Variants in IMMP2L observed in about 807,000 individuals in gnomAD.
The protein encoded by IMMP2L is mitochondrial inner membrane protease subunit 2.
IMMP2L carries 18 observed loss-of-function variants against 19.3 expected under a neutral mutation model. That is an observed-to-expected ratio of 0.93 (90% CI 0.64 to 1.38). The LOEUF (loss-of-function observed/expected upper bound fraction) is 1.38, where lower values mean the gene tolerates loss of function less well. Among genes scored for constraint, IMMP2L ranks in the 40% most tolerant of loss-of-function variants. The probability of loss-of-function intolerance (pLI) is 0.00; values close to 1 mark genes in which losing one functional copy is unlikely to be tolerated. For synonymous variants in IMMP2L, 76 were observed against 73.0 expected (o/e 1.04, Z -0.21); for missense variants, 233 against 218.2 (o/e 1.07, Z -0.43).
At chr7:111,297,654 A>G (rs1354012708) in intron 3 of IMMP2L, among the ~76,000 whole-genome samples, 1 of 152,184 alleles carries the variant, frequency 6.6e-6, no homozygotes, top group Non-Finnish European at 1.5e-5. Context: ...AACTAGAAAC[A>G]ACGAAAATAT....
intron 5 of IMMP2L, among the ~76,000 whole-genome samples, chr7:110,787,712 T>A (rs915728683): frequency 6.6e-6 from 1 of 151,854 alleles, no homozygotes; most frequent in Admixed American, 6.6e-5. Flanking sequence ...ACCTAAAACA[T>A]TTTTCTGAAT....
intron 4 of IMMP2L, among the ~76,000 whole-genome samples, chr7:110,949,092 CAT>C (rs1817536731): frequency 6.6e-6 from 1 of 152,154 alleles, no homozygotes; most frequent in South Asian, 2.1e-4. Flanking sequence ...TAGACTGAGC[CAT>C]GCTATGGGCA....
chr7:111,225,466 G>T (rs1039758912), intron 3 of IMMP2L, among the ~76,000 whole-genome samples: 1 of 151,988 alleles, frequency 6.6e-6, no homozygotes, highest in Non-Finnish European at 1.5e-5. Flanking sequence ...ATGGGTAAAA[G>T]ATTTATTCAA....
At chr7:110,874,137 A>T (rs530513253) in intron 5 of IMMP2L, among the ~76,000 whole-genome samples, 1 of 152,270 alleles carries the variant, frequency 6.6e-6, no homozygotes, top group Non-Finnish European at 1.5e-5. Flanking sequence ...GATTGGAGTA[A>T]TATAAAAGCA....
At chr7:111,028,870 CTG>C (rs983529184) in intron 3 of IMMP2L, among the ~76,000 whole-genome samples, 50 of 152,234 alleles carry the variant, frequency 3.3e-4, no homozygotes, top group African/African-American at 1.1e-3. Context: ...ATGAGCAAGA[CTG>C]TGAAAACTAA....
chr7:111,069,514 A>C (rs1163267712), intron 3 of IMMP2L, among the ~76,000 whole-genome samples: 1 of 152,174 alleles, frequency 6.6e-6, no homozygotes, highest in Non-Finnish European at 1.5e-5. Flanking sequence ...TCTAGGTAAA[A>C]AATATTTTAA....
intron 3 of IMMP2L, among the ~76,000 whole-genome samples, chr7:111,112,617 C>T (rs917927760): frequency 2.0e-5 from 3 of 152,146 alleles, no homozygotes; most frequent in African/African-American, 7.2e-5. Context: ...TTTGTATCCT[C>T]TGGACACAAA....
At chr7:111,494,844 A>C (rs914640212) in intron 2 of IMMP2L, among the ~76,000 whole-genome samples, 1 of 152,176 alleles carries the variant, frequency 6.6e-6, no homozygotes, top group African/African-American at 2.4e-5. Flanking sequence ...ACAAGATTTA[A>C]GAAAAATTAA....
At chr7:110,793,185 C>T (rs942551255) in intron 5 of IMMP2L, among the ~76,000 whole-genome samples, 5 of 151,972 alleles carry the variant, frequency 3.3e-5, no homozygotes, top group Non-Finnish European at 5.9e-5. Flanking sequence ...TTTGGGAGGC[C>T]GAAGTGGGTG....
intron 5 of IMMP2L, among the ~76,000 whole-genome samples, chr7:110,882,807 G>GA (rs1221086076): frequency 6.6e-6 from 1 of 150,902 alleles, no homozygotes; most frequent in East Asian, 1.9e-4. Context: ...TTATATAGGG[G>GA]AAAAAATCAA....
intron 3 of IMMP2L, among the ~76,000 whole-genome samples, chr7:111,084,530 T>G (rs1363334647): frequency 6.6e-6 from 1 of 152,008 alleles, no homozygotes; most frequent in South Asian, 2.1e-4. Flanking sequence ...AGCACTGATA[T>G]AGGTTTGAAA....
chr7:111,489,813 T>A (rs948341090), intron 2 of IMMP2L, among the ~76,000 whole-genome samples: 5 of 152,126 alleles, frequency 3.3e-5, no homozygotes, highest in Non-Finnish European at 5.9e-5. Flanking sequence ...TCATTTCACT[T>A]AACTACCTGA....
At chr7:110,993,627 T>C (rs2129559988) in intron 3 of IMMP2L, among the ~76,000 whole-genome samples, 1 of 151,994 alleles carries the variant, frequency 6.6e-6, no homozygotes, top group Admixed American at 6.6e-5. Context: ...ACCTCTATTA[T>C]TTAAAGTTCT....
At chr7:110,846,214 A>C (rs1805644365) in intron 5 of IMMP2L, among the ~76,000 whole-genome samples, 1 of 152,202 alleles carries the variant, frequency 6.6e-6, no homozygotes, top group East Asian at 1.9e-4. Context: ...AACCCCCAAG[A>C]AAACCGAGAA....
At position 110,947,532 on chromosome 7, in the gene IMMP2L, T is replaced by G. The variant is rs117805854; in HGVS notation, c.305+15968A>C. 6.1e-3 allele frequency among the ~76,000 whole-genome samples: 934 copies of G among 152,270 alleles called. 4 individuals are homozygous for G. Among genetic ancestry groups the G allele is most frequent in the Non-Finnish European group, 0.01 (701 of 68,004 alleles). ...TTCCCATACATAAACCAAATTCTAATCTGTTCATTGGTCTCCTCAAAAGCA... is the reference window on the plus strand; with the variant it reads ...TTCCCATACATAAACCAAATTCTAAGCTGTTCATTGGTCTCCTCAAAAGCA... On this transcript the variant is annotated intron_variant, in intron 4 of 5. Coordinates refer to ENST00000405709, the MANE Select transcript of IMMP2L (RefSeq NM_032549.4).
At chr7:111,258,031 A>C (rs1816917178) in intron 3 of IMMP2L, among the ~76,000 whole-genome samples, 1 of 151,904 alleles carries the variant, frequency 6.6e-6, no homozygotes, top group Non-Finnish European at 1.5e-5. Flanking sequence ...ACACATGGTT[A>C]AAACACCTTT....
intron 4 of IMMP2L, among the ~76,000 whole-genome samples, chr7:110,917,933 G>C (rs1170620990): frequency 6.6e-6 from 1 of 152,086 alleles, no homozygotes; most frequent in Admixed American, 6.6e-5. Flanking sequence ...AATATGTCAA[G>C]AAATTATTAG....
intron 3 of IMMP2L, among the ~76,000 whole-genome samples, chr7:111,318,718 T>C (rs997059707): frequency 2.0e-5 from 3 of 152,100 alleles, no homozygotes; most frequent in East Asian, 1.9e-4. Context: ...GGAATAACTA[T>C]ACCATAATGA....
intron 3 of IMMP2L, among the ~76,000 whole-genome samples, chr7:111,292,628 T>A (rs1175265349): frequency 6.6e-6 from 1 of 152,006 alleles, no homozygotes; most frequent in Non-Finnish European, 1.5e-5. Context: ...AAGACTGTCA[T>A]CTAGAGAGTA....
Sources: allele counts gnomAD v4.1 joint callset (sites outside exome capture counted in the v4.1 genomes callset), GRCh38; gene constraint gnomAD v4.1.1; transcripts MANE v1.5; gene names NCBI Gene and HGNC (gene_info 2026-07-23, HGNC 2026-07-21).